VWDE: variants seen among roughly 807,000 people sequenced by gnomAD.
VWDE encodes the protein von Willebrand factor D and EGF domain-containing protein.
VWDE carries 207 observed loss-of-function variants against 178.4 expected under a neutral mutation model. The ratio of observed to expected loss-of-function variants is 1.16; its 90% CI spans 1.04 to 1.30. The LOEUF (loss-of-function observed/expected upper bound fraction) is 1.30, where lower values mean the gene tolerates loss of function less well. Among genes scored for constraint, VWDE ranks in the 50% most tolerant of loss-of-function variants. The pLI is 0.00. For missense variants in VWDE, 2,287 were observed against 1,901.3 expected (o/e 1.20, Z -3.77); for synonymous variants, 738 against 651.4 (o/e 1.13, Z -2.02).
intron 1 of VWDE, among the ~76,000 whole-genome samples, chr7:12,397,694 T>C (rs923803995): frequency 1.3e-5 from 2 of 152,158 alleles, no homozygotes; most frequent in African/African-American, 4.8e-5. Context: ...ATCCAGAATC[T>C]ATAAGGAACT....
rs1780844603 is a variant in VWDE, at chr7:12,333,470, T to C, written c.4753A>G (p.Ile1585Val). 2 of 1,539,758 alleles carry C rather than the reference T, an allele frequency of 1.3e-6. No homozygotes were observed. The highest frequency in any genetic ancestry group is 1.8e-6 in the Non-Finnish European group (2 of 1,139,120). Reference sequence around the variant, plus strand: ...CTCTTTAAACTCTGAAATACCTGTATTTTCTTCTCACATTTGACTCCAGAG... The same window carrying C: ...CTCTTTAAACTCTGAAATACCTGTACTTTCTTCTCACATTTGACTCCAGAG... ...EYSGVKCEKK[I>V]QIRRH Residue 1585 changes from isoleucine to valine, a missense_variant, in exon 28 of 29, where the codon ATA becomes GTA. Physicochemically the swap from Ile to Val is conservative, Grantham distance 29 (BLOSUM62 3). Transcript: ENST00000275358.
Position 12,375,159 on chromosome 7 carries a change from A to C in VWDE, c.1093T>G (p.Cys365Gly). ...CHVDLLQTSS[C>G]ANGTCSHTFV... is the part of the protein sequence containing the mutation. ...GTGTGGCTACAGGTTCCATTAGCAC[A>C]GGAAGATGTCTGGAGAAGGTCCACA... Residue 365 changes from cysteine to glycine, a missense_variant, in exon 8 of 29, where the codon TGT (cysteine) becomes GGT (glycine). Cys to Gly is a radical substitution (Grantham distance 159). Coordinates refer to ENST00000275358, the MANE Select transcript of VWDE (RefSeq NM_001135924.3). The C allele has an allele frequency of 1.3e-6, 2 of 1,551,258 alleles. No individual in the cohort carries two copies. Among genetic ancestry groups the C allele is most frequent in the Non-Finnish European group, 1.7e-6 (2 of 1,146,642 alleles).
intron 1 of VWDE, among the ~76,000 whole-genome samples, chr7:12,396,838 G>C (rs932989690): frequency 3.3e-5 from 5 of 152,130 alleles, no homozygotes; most frequent in African/African-American, 1.2e-4. Flanking sequence ...GGGAGGCTGA[G>C]GCAGGAGAAT....
intron 1 of VWDE, among the ~76,000 whole-genome samples, chr7:12,401,510 G>C (rs560522116): frequency 6.6e-6 from 1 of 152,218 alleles, no homozygotes; most frequent in African/African-American, 2.4e-5. Context: ...TCTCTGAAGA[G>C]AATAAGCAAA....
intron 17 of VWDE, 118 bp downstream of exon 17, chr7:12,357,147 A>C: frequency 7.7e-7 from 1 of 1,303,976 alleles, no homozygotes; most frequent in East Asian, 2.5e-5. Context: ...TTTTCCATAC[A>C]ATGTTTAATA....
At chr7:12,398,113 G>A (rs540498130) in intron 1 of VWDE, among the ~76,000 whole-genome samples, 51 of 152,250 alleles carry the variant, frequency 3.3e-4, no homozygotes, top group South Asian at 6.2e-4. Context: ...GTACTGGTAC[G>A]TTCATCCCAG....
intron 12 of VWDE, 64 bp from the exon 13 acceptor site, chr7:12,367,557 A>G: frequency 1.5e-6 from 2 of 1,307,686 alleles, no homozygotes; most frequent in South Asian, 3.4e-5. Context: ...AAAACTAATT[A>G]TTTCCAAGCC....
At chr7:12,357,093 G>T (rs933944438) in intron 17 of VWDE, among the ~76,000 whole-genome samples, 172 bp downstream of exon 17, 2 of 152,102 alleles carry the variant, frequency 1.3e-5, no homozygotes, top group African/African-American at 4.8e-5. Flanking sequence ...TCTCTCTAAG[G>T]TTTTAAATTC....
chr7:12,347,767 T>G (rs1287482796), intron 19 of VWDE, among the ~76,000 whole-genome samples: 1 of 151,816 alleles, frequency 6.6e-6, no homozygotes, highest in Non-Finnish European at 1.5e-5. Context: ...CATCGCCAAG[T>G]CAATCCTAAG....
At chr7:12,336,109 C>T (rs758954517) in intron 27 of VWDE, 32 bp downstream of exon 27, 3 of 1,516,912 alleles carry the variant, frequency 2.0e-6, no homozygotes, top group Non-Finnish European at 2.7e-6. Context: ...CAATTCAGAA[C>T]ATATAGTAGG....
intron 2 of VWDE, among the ~76,000 whole-genome samples, chr7:12,392,429 T>A (rs565031681): frequency 6.6e-6 from 1 of 152,124 alleles, no homozygotes; most frequent in East Asian, 1.9e-4. Context: ...ATAATAAGAG[T>A]TGAACTGACA....
chr7:12,337,403 C>CCCTATTTA, intron 24 of VWDE, 131 bp from the exon 25 acceptor site: 1 of 799,758 alleles, frequency 1.3e-6, no homozygotes. Context: ...AAAGATCACT[C>CCCTATTTA]ATTAAACCTG....
At chr7:12,347,208 C>A (rs111518048) in intron 19 of VWDE, among the ~76,000 whole-genome samples, 225 of 152,204 alleles carry the variant, frequency 1.5e-3, no homozygotes, top group African/African-American at 5.2e-3. Flanking sequence ...AGAAGGGACT[C>A]CTTCCAGAAC....
At chr7:12,393,415 A>C (rs533287200) in intron 2 of VWDE, among the ~76,000 whole-genome samples, 179 bp downstream of exon 2, 146 of 152,354 alleles carry the variant, frequency 9.6e-4, no homozygotes, top group Non-Finnish European at 1.4e-3. Flanking sequence ...ATGGAGCATA[A>C]CACTAACAAT....
At chr7:12,362,193 C>T (rs79819007) in intron 13 of VWDE, among the ~76,000 whole-genome samples, 139 of 147,312 alleles carry the variant, frequency 9.4e-4, no homozygotes, top group African/African-American at 3.4e-3. Context: ...ATGAAGCCCA[C>T]AAACAAAAGC....
intron 23 of VWDE, among the ~76,000 whole-genome samples, chr7:12,341,096 T>C (rs529635889): frequency 1.8e-4 from 28 of 152,324 alleles, no homozygotes; most frequent in African/African-American, 6.5e-4. Flanking sequence ...TTCAATAACA[T>C]TACTTATCAT....
At chr7:12,377,709 C>G in intron 7 of VWDE, 67 bp downstream of exon 7, 1 of 1,091,680 alleles carries the variant, frequency 9.2e-7, no homozygotes, top group South Asian at 2.7e-5. Flanking sequence ...AGTGACTTTT[C>G]CTACAGGAAA....
chr7:12,393,495 C>T (rs1784482261), intron 2 of VWDE, 99 bp downstream of exon 2: 1 of 1,058,066 alleles, frequency 9.5e-7, no homozygotes, highest in South Asian at 2.0e-5. Context: ...ATTAAAACAA[C>T]ATTTTAGCAT....
At chr7:12,384,092 G>T (rs987838221) in intron 3 of VWDE, among the ~76,000 whole-genome samples, 1 of 152,134 alleles carries the variant, frequency 6.6e-6, no homozygotes, top group Non-Finnish European at 1.5e-5. Context: ...GCCCAAACTT[G>T]CAAGCAACCA....
Sources: gnomAD v4.1 joint callset for allele counts (sites outside exome capture counted in the v4.1 genomes callset) on GRCh38, gnomAD v4.1.1 for gene constraint, MANE v1.5 for transcripts, NCBI Gene and HGNC (gene_info 2026-07-23, HGNC 2026-07-21) for gene names.